The following PAN3 variants were observed in gnomAD, a reference collection of about 807,000 sequenced individuals.
PAN3 encodes PAN2-PAN3 deadenylation complex subunit PAN3.
In PAN3, 19 loss-of-function variants were observed where a neutral mutation model predicts 96.2. The ratio of observed to expected loss-of-function variants is 0.20; its 90% CI spans 0.14 to 0.29. PAN3 has a LOEUF of 0.29. PAN3 is among the 10% of genes least tolerant of loss of function. The pLI is 1.00. For missense variants in PAN3, 882 were observed against 1,108.1 expected, an observed-to-expected ratio of 0.80 and a Z score of 2.90; for synonymous variants, 433 against 406.6, an observed-to-expected ratio of 1.06 and a Z score of -0.78.
chr13:28,155,258 T>G (rs1295596974), intron 1 of PAN3, among the ~76,000 whole-genome samples: 3 of 152,170 alleles, frequency 2.0e-5, no homozygotes, highest in Non-Finnish European at 4.4e-5. Context: ...TAAACATATA[T>G]TTAACATTTT....
chr13:28,174,384 C>G lies in PAN3; in HGVS notation c.543C>G (p.Pro181=). ...GAAGCCCTGTAGAAACAAAATATCC[C>G]CTGATGCAGGTATCCTTAGTATAAA... ...GFGSPVETKY[P]LMQRMTNSSS... is the part of the protein sequence containing the mutation. Residue 181 remains proline, a synonymous_variant, in exon 2 of 19, where the codon CCC becomes CCG. Coordinates refer to ENST00000380958, the MANE Select transcript of PAN3 (RefSeq NM_175854.8). The G allele has an allele frequency of 6.2e-7, 1 of 1,612,870 alleles. No individual in the cohort carries two copies. The highest frequency in any genetic ancestry group is 8.5e-7 in the Non-Finnish European group (1 of 1,179,130).
At chr13:28,279,654 C>T (rs756005069) in intron 15 of PAN3, among the ~76,000 whole-genome samples, 16 of 150,852 alleles carry the variant, frequency 1.1e-4, no homozygotes, top group Non-Finnish European at 1.5e-4. Flanking sequence ...CAGTTATTCA[C>T]GAGGCTAAGG....
chr13:28,235,714 CACACACACAT>C (rs1883032355), intron 6 of PAN3, among the ~76,000 whole-genome samples: 2 of 150,526 alleles, frequency 1.3e-5, no homozygotes, highest in African/African-American at 4.9e-5. Flanking sequence ...CACACACACA[CACACACACAT>C]ATATATATAT....
intron 1 of PAN3, among the ~76,000 whole-genome samples, chr13:28,172,455 C>CAA (rs757814023): frequency 6.8e-6 from 1 of 147,318 alleles, no homozygotes; most frequent in African/African-American, 2.5e-5. Context: ...GACTCTGTCT[C>CAA]AAAAAAAAAA....
chr13:28,251,193 A>G (rs955755101), intron 6 of PAN3, among the ~76,000 whole-genome samples: 4 of 152,044 alleles, frequency 2.6e-5, no homozygotes, highest in African/African-American at 7.2e-5. Flanking sequence ...TTCTTTTGTG[A>G]TGTTTGTCAC....
chr13:28,177,931 G>A lies in PAN3; in HGVS notation c.686G>A (p.Arg229Gln), dbSNP rs565050348. Residue 229 changes from arginine to glutamine, a missense_variant, in exon 4 of 19, where the codon CGA (arginine) becomes CAA (glutamine). Arg to Gln is a conservative substitution (Grantham distance 43). Coordinates refer to ENST00000380958, the MANE Select transcript of PAN3 (RefSeq NM_175854.8). ...DFGALNISQR[R>Q]KPRKYRLGML... ...GGTGCCCTCAACATCTCTCAGAGACGAAAGGTAGGTGAAATTGAAACTTGA... is the reference window on the plus strand; with the variant it reads ...GGTGCCCTCAACATCTCTCAGAGACAAAAGGTAGGTGAAATTGAAACTTGA... 15 of 1,605,032 alleles carry A rather than the reference G, an allele frequency of 9.3e-6. No homozygotes were observed. The highest frequency in any genetic ancestry group is 1.7e-5 in the Admixed American group (1 of 59,928).
intron 1 of PAN3, among the ~76,000 whole-genome samples, chr13:28,150,095 A>G (rs945404393): frequency 1.3e-5 from 2 of 152,124 alleles, no homozygotes; most frequent in Non-Finnish European, 2.9e-5. Flanking sequence ...GGTATACTTG[A>G]TTGAGAGATG....
chr13:28,268,060 C>G (rs1886332044), intron 12 of PAN3, among the ~76,000 whole-genome samples: 1 of 152,012 alleles, frequency 6.6e-6, no homozygotes, highest in Non-Finnish European at 1.5e-5. Flanking sequence ...AAATGTTTTT[C>G]TTTTAAAAAT....
chr13:28,287,663 A>C (rs1168207777), intron 17 of PAN3, among the ~76,000 whole-genome samples: 1 of 152,240 alleles, frequency 6.6e-6, no homozygotes, highest in Non-Finnish European at 1.5e-5. Context: ...TGTAACCTAC[A>C]GAGTGGGAGG....
chr13:28,247,028 A>C (rs1884261703), intron 6 of PAN3, among the ~76,000 whole-genome samples: 1 of 152,026 alleles, frequency 6.6e-6, no homozygotes, highest in Non-Finnish European at 1.5e-5. Flanking sequence ...ACTCGTTTTC[A>C]TTCCCATCAA....
At chr13:28,193,711 C>A (rs901544223) in intron 4 of PAN3, among the ~76,000 whole-genome samples, 1 of 145,318 alleles carries the variant, frequency 6.9e-6, no homozygotes, top group African/African-American at 2.6e-5. Context: ...CCACTGCACT[C>A]CAGCCTGGGA....
At chr13:28,246,303 GT>G (rs935376537) in intron 6 of PAN3, among the ~76,000 whole-genome samples, 3 of 151,474 alleles carry the variant, frequency 2.0e-5, no homozygotes, top group African/African-American at 4.9e-5. Context: ...TACTAGACCT[GT>G]TTTTTTTAAA....
chr13:28,215,179 G>T (rs1391622118), intron 5 of PAN3: 1 of 713,242 alleles, frequency 1.4e-6, no homozygotes, highest in Non-Finnish European at 2.6e-6. Context: ...AAAGATGGCA[G>T]CACCAGTGGA....
chr13:28,242,860 A>T (rs1360925455), intron 6 of PAN3, among the ~76,000 whole-genome samples: 1 of 152,130 alleles, frequency 6.6e-6, no homozygotes, highest in Non-Finnish European at 1.5e-5. Context: ...TTTTGTAATT[A>T]TTCATGTTTA....
intron 1 of PAN3, among the ~76,000 whole-genome samples, chr13:28,157,364 G>A (rs1345128156): frequency 1.3e-5 from 2 of 152,134 alleles, no homozygotes; most frequent in Non-Finnish European, 2.9e-5. Context: ...CCTAGCCAGA[G>A]CAATCAGGCA....
intron 5 of PAN3, among the ~76,000 whole-genome samples, chr13:28,209,137 G>A (rs539186847): frequency 1.1e-3 from 161 of 152,064 alleles, no homozygotes; most frequent in African/African-American, 3.7e-3. Context: ...AATTGTTGTT[G>A]GTTTTTTTTA....
At chr13:28,150,637 CAA>C (rs71737721) in intron 1 of PAN3, among the ~76,000 whole-genome samples, 52 of 73,980 alleles carry the variant, frequency 7.0e-4, no homozygotes, top group Admixed American at 1.3e-3. Flanking sequence ...ACTCTGTCTC[CAA>C]AAAAAAAAAA....
At chr13:28,273,747 A>G (rs1202605012) in intron 14 of PAN3, among the ~76,000 whole-genome samples, 3 of 152,214 alleles carry the variant, frequency 2.0e-5, no homozygotes, top group Admixed American at 6.6e-5. Context: ...CTTTGTGTAT[A>G]AGAAGTTTTT....
At chr13:28,220,900 C>T (rs978768624) in intron 6 of PAN3, among the ~76,000 whole-genome samples, 2 of 152,082 alleles carry the variant, frequency 1.3e-5, no homozygotes, top group African/African-American at 2.4e-5. Flanking sequence ...AAATATACTA[C>T]ATGAGGGATC....
Sources: gnomAD v4.1 joint callset for allele counts (sites outside exome capture counted in the v4.1 genomes callset) on GRCh38, gnomAD v4.1.1 for gene constraint, MANE v1.5 for transcripts, NCBI Gene and HGNC (gene_info 2026-07-23, HGNC 2026-07-21) for gene names.